The following WWOX variants were observed in gnomAD, a reference collection of about 807,000 sequenced individuals.
The protein encoded by WWOX is WW domain-containing oxidoreductase.
A neutral mutation model predicts 46.2 loss-of-function variants in WWOX; 69 were observed. That is an observed-to-expected ratio of 1.49 (90% confidence interval 1.23 to 1.82). The LOEUF is 1.82. Among genes scored for constraint, WWOX ranks in the 40% most tolerant of loss-of-function variants. WWOX has a pLI of 0.00. For synonymous variants in WWOX, 359 were observed against 202.6 expected, an observed-to-expected ratio of 1.77 and a Z score of -6.56; for missense variants, 919 against 542.6, an observed-to-expected ratio of 1.69 and a Z score of -6.89.
chr16:78,102,135 G>C (rs2031839088), intron 1 of WWOX, among the ~76,000 whole-genome samples: 1 of 152,142 alleles, frequency 6.6e-6, no homozygotes, highest in South Asian at 2.1e-4. Flanking sequence ...TGCCCAGGCT[G>C]GTTTGAACTC....
intron 8 of WWOX, among the ~76,000 whole-genome samples, chr16:78,563,947 A>G (rs2044501809): frequency 6.6e-6 from 1 of 152,182 alleles, no homozygotes; most frequent in Non-Finnish European, 1.5e-5. Context: ...GCACAAGCAA[A>G]GGCTTGAAAC....
chr16:78,350,702 C>G (rs1234989235), intron 5 of WWOX, among the ~76,000 whole-genome samples: 1 of 121,218 alleles, frequency 8.2e-6, no homozygotes. Context: ...GCATTCAGTT[C>G]ACGGACATGT....
intron 8 of WWOX, among the ~76,000 whole-genome samples, chr16:78,954,379 G>A (rs949120328): frequency 1.3e-5 from 2 of 152,094 alleles, no homozygotes; most frequent in Non-Finnish European, 2.9e-5. Context: ...TGGATGTTTG[G>A]GTGGATGAAC....
intron 1 of WWOX, among the ~76,000 whole-genome samples, chr16:78,103,250 T>C (rs1289041088): frequency 1.9e-5 from 1 of 51,744 alleles, no homozygotes; most frequent in East Asian, 1.4e-3. Context: ...CTGTTTTTTT[T>C]TTTTTTTTTT....
At chr16:78,550,251 T>C (rs1190297873) in intron 8 of WWOX, among the ~76,000 whole-genome samples, 1 of 152,240 alleles carries the variant, frequency 6.6e-6, no homozygotes, top group African/African-American at 2.4e-5. Flanking sequence ...TGAGAGACAC[T>C]GAAATGAATT....
At chr16:78,793,069 A>G (rs1413306031) in intron 8 of WWOX, among the ~76,000 whole-genome samples, 2 of 151,802 alleles carry the variant, frequency 1.3e-5, no homozygotes, top group African/African-American at 4.8e-5. Context: ...ATATATCTGT[A>G]TCTATATCTA....
chr16:78,516,030 C>T (rs74942559), intron 8 of WWOX, among the ~76,000 whole-genome samples: 6,941 of 152,152 alleles, frequency 0.046, 222 homozygotes, highest in Non-Finnish European at 0.069. Flanking sequence ...TGCTCCCTCT[C>T]TTTAAGGTTT....
chr16:78,506,850 C>G (rs1237755908), intron 8 of WWOX, among the ~76,000 whole-genome samples: 1 of 151,830 alleles, frequency 6.6e-6, no homozygotes, highest in African/African-American at 2.4e-5. Flanking sequence ...GTAGCTGGAA[C>G]TACAGGCACC....
chr16:78,489,956 T>G (rs2084738772), intron 8 of WWOX, among the ~76,000 whole-genome samples: 1 of 152,174 alleles, frequency 6.6e-6, no homozygotes, highest in Admixed American at 6.5e-5. Flanking sequence ...AGACCCATCA[T>G]TTCCCAGATA....
chr16:79,164,267 CAG>C (rs1223130865), intron 8 of WWOX, among the ~76,000 whole-genome samples: 1 of 152,196 alleles, frequency 6.6e-6, no homozygotes, highest in Non-Finnish European at 1.5e-5. Context: ...CCACTTAGCT[CAG>C]AGTTTGTTTT....
At chr16:78,854,906 CT>C (rs11324333) in intron 8 of WWOX, among the ~76,000 whole-genome samples, 96,254 of 141,324 alleles carry the variant, frequency 0.68, 32,454 homozygotes, top group Middle Eastern at 0.72. Context: ...TGAACAGCAG[CT>C]TTTTTTTTTT....
intron 5 of WWOX, among the ~76,000 whole-genome samples, chr16:78,185,936 G>A (rs1364283424): frequency 2.0e-5 from 3 of 152,174 alleles, no homozygotes; most frequent in African/African-American, 4.8e-5. Context: ...AAAGCGTTGG[G>A]ATTACAGGTG....
intron 8 of WWOX, among the ~76,000 whole-genome samples, chr16:79,018,692 C>A (rs1322604280): frequency 6.6e-6 from 1 of 152,190 alleles, no homozygotes; most frequent in Non-Finnish European, 1.5e-5. Context: ...GCCTCCTCCA[C>A]ATGAAATCAA....
intron 8 of WWOX, among the ~76,000 whole-genome samples, chr16:78,545,036 A>AG (rs1343634152): frequency 6.6e-6 from 1 of 152,120 alleles, no homozygotes; most frequent in Non-Finnish European, 1.5e-5. Flanking sequence ...AGAAAGAAAG[A>AG]GAGAGAGATT....
intron 8 of WWOX, among the ~76,000 whole-genome samples, chr16:79,209,485 G>A (rs2051639937): frequency 6.6e-6 from 1 of 152,210 alleles, no homozygotes; most frequent in African/African-American, 2.4e-5. Flanking sequence ...ACGTTTGAAT[G>A]CTGAATAGTA....
intron 5 of WWOX, among the ~76,000 whole-genome samples, chr16:78,284,161 G>A (rs914988760): frequency 3.3e-5 from 5 of 152,148 alleles, no homozygotes; most frequent in African/African-American, 1.2e-4. Context: ...AGGGTCACTG[G>A]TTTAAGGGGT....
At chr16:79,097,348 CT>C (rs545489914) in intron 8 of WWOX, among the ~76,000 whole-genome samples, 1,408 of 136,658 alleles carry the variant, frequency 0.01, 2 homozygotes, top group Non-Finnish European at 0.013. Flanking sequence ...GGCTCCAAAA[CT>C]TTTTTTTTTT....
At position 78,193,693 on chromosome 16, in the gene WWOX, A is replaced by C. The variant is rs2035954610; in HGVS notation, c.516+29404A>C. 5.9e-5 allele frequency among the ~76,000 whole-genome samples: 9 copies of C among 152,228 alleles called. No individual in the cohort carries two copies. In the South Asian group the frequency reaches 1.7e-3, roughly 28 times the overall value. ...GGTTTCAACACCATATGGGTATGTGAGTATAGATGCTTACAAGAAGAAGGG... is the reference window on the plus strand; with the variant it reads ...GGTTTCAACACCATATGGGTATGTGCGTATAGATGCTTACAAGAAGAAGGG... On this transcript the variant is annotated intron_variant, in intron 5 of 8. Coordinates refer to ENST00000566780, the MANE Select transcript of WWOX (RefSeq NM_016373.4).
At chr16:78,447,700 C>T (rs947243260) in intron 8 of WWOX, among the ~76,000 whole-genome samples, 1 of 152,198 alleles carries the variant, frequency 6.6e-6, no homozygotes, top group Non-Finnish European at 1.5e-5. Flanking sequence ...ATTTCACAAA[C>T]CTCTACAGCT....
Sources: gnomAD v4.1 joint callset for allele counts (sites outside exome capture counted in the v4.1 genomes callset) on GRCh38, gnomAD v4.1.1 for gene constraint, MANE v1.5 for transcripts, NCBI Gene and HGNC (gene_info 2026-07-23, HGNC 2026-07-21) for gene names.